ZNF891: variants seen among roughly 807,000 people sequenced by gnomAD.
ZNF891 encodes the protein hCG1646157.
For synonymous variants in ZNF891, 199 were observed against 209.0 expected, an observed-to-expected ratio of 0.95 and a Z score of 0.41; for missense variants, 589 against 632.7, an observed-to-expected ratio of 0.93 and a Z score of 0.74.
At chr12:133,127,254 G>C (rs1305140984) in intron 1 of ZNF891, among the ~76,000 whole-genome samples, 3 of 151,958 alleles carry the variant, frequency 2.0e-5, no homozygotes, top group Admixed American at 2.0e-4. Flanking sequence ...CGTGAGCCAC[G>C]GTGCCCGGCC....
chr12:133,128,669 G>T (rs1343345838), intron 1 of ZNF891, among the ~76,000 whole-genome samples: 1 of 151,712 alleles, frequency 6.6e-6, no homozygotes, highest in Non-Finnish European at 1.5e-5. Context: ...AAAATTAGCT[G>T]GATTAGCCGG....
rs1297482469 is a variant in ZNF891, at chr12:133,110,276, A to T, written c.*10008T>A. The T allele has an allele frequency of 6.6e-6, 1 of 152,220 alleles. No individual in the cohort carries two copies. 9.4% of individuals were successfully genotyped at this position (152,220 alleles called of 1,614,324 possible). Reference sequence around the variant, plus strand: ...GTCTAGGAATATTGCAAAAGTAGTAAAAGTATTAATTTGGCTCTCATGATC... The same window carrying T: ...GTCTAGGAATATTGCAAAAGTAGTATAAGTATTAATTTGGCTCTCATGATC... On this transcript the variant is annotated 3_prime_UTR_variant, in exon 2 of 2. Coordinates refer to ENST00000537226, the MANE Select transcript of ZNF891 (RefSeq NM_001277291.2).
At position 133,111,300 on chromosome 12, in the gene ZNF891, C is replaced by A. The variant is rs61951773; in HGVS notation, c.*8984G>T. 28,775 of 152,112 alleles carry A rather than the reference C, an allele frequency of 0.19. 3,484 individuals are homozygous for A. Among genetic ancestry groups the A allele is most frequent in the Non-Finnish European group, 0.26 (17,971 of 67,976 alleles). 9.4% of individuals were successfully genotyped at this position (152,112 alleles called of 1,614,324 possible). A position where few individuals can be genotyped will look rare whatever the true frequency, so the allele number is the denominator to read the frequency against. On this transcript the variant is annotated 3_prime_UTR_variant, in exon 2 of 2. Coordinates refer to ENST00000537226, the MANE Select transcript of ZNF891 (RefSeq NM_001277291.2). The stretch of plus-strand genomic sequence containing the variant: ...CTTGAGCCCAGGAGTTTGATACCAG[C>A]CTGGGCAATGCAGTGAGACCCCATT...
intron 1 of ZNF891, chr12:133,125,583 C>CAA (rs980812374): frequency 2.3e-5 from 5 of 216,788 alleles, no homozygotes; most frequent in African/African-American, 4.7e-5. Flanking sequence ...TTCACAGCAA[C>CAA]AAAAAAAAAG....
chr12:133,105,797 T>C lies in ZNF891; in HGVS notation c.*14487A>G. The C allele has an allele frequency of 6.2e-7, 1 of 1,614,140 alleles. No homozygotes were observed. Among genetic ancestry groups the C allele is most frequent in the Non-Finnish European group, 8.5e-7 (1 of 1,180,044 alleles). On this transcript the variant is annotated 3_prime_UTR_variant, in exon 2 of 2. Coordinates refer to ENST00000537226, the MANE Select transcript of ZNF891 (RefSeq NM_001277291.2). ...ATGTGGAAAAACTTTTGGTCGACGCTTTTCCCTGGTGTTACACCAGAGGAC... is the reference window on the plus strand; with the variant it reads ...ATGTGGAAAAACTTTTGGTCGACGCCTTTCCCTGGTGTTACACCAGAGGAC...
Position 133,125,583 on chromosome 12 carries a change from C to CA in ZNF891, c.-106-3560dup, listed in dbSNP as rs980812374. 4.1e-3 allele frequency: 894 copies of CA among 215,894 alleles called. 1 individual carries two copies. The highest frequency in any genetic ancestry group is 9.2e-3 in the African/African-American group (392 of 42,672). 13.4% of individuals were successfully genotyped at this position (215,894 alleles called of 1,614,324 possible). A position where few individuals can be genotyped will look rare whatever the true frequency, so the allele number is the denominator to read the frequency against. ...CAGTGGTGAAAGGTATTCACAGCAA[C>CA]AAAAAAAAAGAAGATCCGCATGTCA... On this transcript the variant is annotated intron_variant, in intron 1 of 1. Transcript: ENST00000537226.
chr12:133,122,740 A>C (rs2137621267), intron 1 of ZNF891, among the ~76,000 whole-genome samples: 1 of 152,350 alleles, frequency 6.6e-6, no homozygotes, highest in South Asian at 2.1e-4. Context: ...AGAATAAAGA[A>C]ACAGATGTTC....
At position 133,121,283 on chromosome 12, in the gene ZNF891, G is replaced by A. The variant is rs1291536079; in HGVS notation, c.636C>T (p.Thr212=). The part of the protein sequence containing the change: ...SKLIFSQSIF[T]SKHCQKCYSE... The stretch of plus-strand genomic sequence containing the variant: ...AGTAACATTTTTGGCAATGTTTACT[G>A]GTGAAAATGCTCTGTGAAAAAATAA... Residue 212 remains threonine, a synonymous_variant, in exon 2 of 2, where the codon ACC becomes ACT. Transcript: ENST00000537226. 1.3e-6 allele frequency: 2 copies of A among 1,535,608 alleles called. No homozygotes were observed. The highest frequency in any genetic ancestry group is 1.4e-5 in the African/African-American group (1 of 73,106).
Position 133,120,545 on chromosome 12 carries a change from A to G in ZNF891, c.1374T>C (p.Asn458=), listed in dbSNP as rs11608611. ...TCCCACAGTCACTGCATTCATAAAC[A>G]TTCTCTCCGGTATGAATTTTCTTAT... ...KVHKKIHTGE[N]VYECSDCGKV... is the part of the protein sequence containing the mutation. The change falls in exon 2 of 2, where the codon AAT becomes AAC. Residue 458 remains asparagine, a synonymous_variant. Coordinates refer to ENST00000537226, the MANE Select transcript of ZNF891 (RefSeq NM_001277291.2). 0.25 allele frequency: 384,075 copies of G among 1,564,262 alleles called. 48,919 individuals carry two copies. The highest frequency in any genetic ancestry group is 0.26 in the Middle Eastern group (1,588 of 6,006).
In ZNF891 at chr12:133,118,870, C is replaced by T. The variant is rs932333914; in HGVS notation, c.*1414G>A. On this transcript the variant is annotated 3_prime_UTR_variant, in exon 2 of 2. Coordinates refer to ENST00000537226, the MANE Select transcript of ZNF891 (RefSeq NM_001277291.2). Reference sequence around the variant, plus strand: ...ATAAAACATTTAACTGTATATACTTCTGTTTTTCTACAATATGGTGACTGC... The same window carrying T: ...ATAAAACATTTAACTGTATATACTTTTGTTTTTCTACAATATGGTGACTGC... The T allele has an allele frequency of 2.6e-5, 4 of 152,096 alleles. No homozygotes were observed. Among genetic ancestry groups the T allele is most frequent in the Non-Finnish European group, 5.9e-5 (4 of 68,024 alleles). 9.4% of individuals were successfully genotyped at this position (152,096 alleles called of 1,614,324 possible). A position where few individuals can be genotyped will look rare whatever the true frequency, so the allele number is the denominator to read the frequency against.
Position 133,119,698 on chromosome 12 carries a change from A to G in ZNF891, c.*586T>C, listed in dbSNP as rs975135119. The G allele has an allele frequency of 1.3e-5, 2 of 152,472 alleles. No individual in the cohort carries two copies. Among genetic ancestry groups the G allele is most frequent in the African/African-American group, 4.8e-5 (2 of 41,460 alleles). 9.4% of individuals were successfully genotyped at this position (152,472 alleles called of 1,614,324 possible). A position where few individuals can be genotyped will look rare whatever the true frequency, so the allele number is the denominator to read the frequency against. On this transcript the variant is annotated 3_prime_UTR_variant, in exon 2 of 2. Coordinates refer to ENST00000537226, the MANE Select transcript of ZNF891 (RefSeq NM_001277291.2). Reference sequence around the variant, plus strand: ...CTACAGCTGTCATTTTCATGATCACAAGATAGCTCTTTCAGCAGCTTCAGG... The same window carrying G: ...CTACAGCTGTCATTTTCATGATCACGAGATAGCTCTTTCAGCAGCTTCAGG...
Position 133,126,516 on chromosome 12 carries a change from T to C in ZNF891, c.-107+3711A>G, listed in dbSNP as rs1164589637. Among the ~76,000 whole-genome samples, 13 of 146,894 alleles carry C rather than the reference T, an allele frequency of 8.8e-5. No individual in the cohort carries two copies. In the Admixed American group the frequency reaches 8.9e-4, roughly 10 times the overall value. ...AAAAGATAAACTTAAGGAACTTTTC[T>C]AGAAAGCTGATCTTGGCTGAACACA... is the stretch of plus-strand genomic sequence containing the variant. On this transcript the variant is annotated intron_variant, in intron 1 of 1. Coordinates refer to ENST00000537226, the MANE Select transcript of ZNF891 (RefSeq NM_001277291.2).
chr12:133,125,005 C>T (rs571691380), intron 1 of ZNF891, among the ~76,000 whole-genome samples: 5 of 151,992 alleles, frequency 3.3e-5, no homozygotes, highest in African/African-American at 9.6e-5. Flanking sequence ...CAAAAGAGCA[C>T]ACAGCAAGGG....
rs1955714542 is a variant in ZNF891, at chr12:133,116,264, TTGGCTAA to T, written c.*4013_*4019del. ...GTACTACAGGCGCCCACCACCACACTTGGCTAATTTTTTGTATTTTTAGTAGAGACGA... is the reference window on the plus strand; with the variant it reads ...GTACTACAGGCGCCCACCACCACACTTTTTTTGTATTTTTAGTAGAGACGA... On this transcript the variant is annotated 3_prime_UTR_variant, in exon 2 of 2. Coordinates refer to ENST00000537226, the MANE Select transcript of ZNF891 (RefSeq NM_001277291.2). 1 of 152,018 alleles carries T rather than the reference TTGGCTAA, an allele frequency of 6.6e-6. No homozygotes were observed. Among genetic ancestry groups the T allele is most frequent in the East Asian group, 1.9e-4 (1 of 5,180 alleles). The allele number at this position is 152,018 out of a possible 1,614,324, so 9.4% of individuals were successfully genotyped here. A position where few individuals can be genotyped will look rare whatever the true frequency, so the allele number is the denominator to read the frequency against.
Position 133,106,351 on chromosome 12 carries a change from A to G in ZNF891, c.*13933T>C. The G allele has an allele frequency of 6.2e-7, 1 of 1,614,148 alleles. No homozygotes were observed. The stretch of plus-strand genomic sequence containing the variant: ...TTCATGCTGGAGAAAAGCTCTATGA[A>G]TGTGATGAATGTGGTAAAGTTTTCA... On this transcript the variant is annotated 3_prime_UTR_variant, in exon 2 of 2. Coordinates refer to ENST00000537226, the MANE Select transcript of ZNF891 (RefSeq NM_001277291.2).
At position 133,121,766 on chromosome 12, in the gene ZNF891, C is replaced by A. The variant is rs1955763433; in HGVS notation, c.153G>T (p.Glu51Asp). 2 of 1,536,976 alleles carry A rather than the reference C, an allele frequency of 1.3e-6. No individual in the cohort carries two copies. Among genetic ancestry groups the A allele is most frequent in the South Asian group, 2.4e-5 (2 of 84,060 alleles). Reference protein sequence around the residue: ...EPMTFKDVAVEFTQEEWMMLD... With the variant: ...EPMTFKDVAVDFTQEEWMMLD... ...GCATCATCCACTCCTCCTGAGTGAA[C>A]TCCACAGCTACATCTTTGAAAGTCA... Residue 51 changes from glutamate (E) to aspartate (D), a missense_variant, in exon 2 of 2, where the codon GAG becomes GAT. Physicochemically the swap from Glu to Asp is conservative, Grantham distance 45. Coordinates refer to ENST00000537226, the MANE Select transcript of ZNF891 (RefSeq NM_001277291.2).
In ZNF891 at chr12:133,120,157, G is replaced by GAC; in HGVS notation, c.*126_*127insGT. On this transcript the variant is annotated 3_prime_UTR_variant, in exon 2 of 2. Coordinates refer to ENST00000537226, the MANE Select transcript of ZNF891 (RefSeq NM_001277291.2). ...AAAAAAGTCATAATTAGTATTTACA[G>GAC]AAAATGTTATATTAAAAAAAGAGCC... 1.4e-6 allele frequency: 1 copy of GAC among 708,948 alleles called. No individual in the cohort carries two copies. Among genetic ancestry groups the GAC allele is most frequent in the Non-Finnish European group, 2.2e-6 (1 of 458,538 alleles). 43.9% of individuals were successfully genotyped at this position (708,948 alleles called of 1,614,324 possible). A position where few individuals can be genotyped will look rare whatever the true frequency, so the allele number is the denominator to read the frequency against.
At chr12:133,127,480 C>T (rs1230176078) in intron 1 of ZNF891, among the ~76,000 whole-genome samples, 1 of 152,242 alleles carries the variant, frequency 6.6e-6, no homozygotes, top group African/African-American at 2.4e-5. Context: ...TCTAGCTTCA[C>T]TGGCTTTCAA....
In ZNF891 at chr12:133,106,120, AT is replaced by A. The variant is rs1419994878; in HGVS notation, c.*14163del. On this transcript the variant is annotated 3_prime_UTR_variant, in exon 2 of 2. Transcript: ENST00000537226. ...ATATATGTAGGAAATGTGGTAAAGCATTTAGCAGTGGCTCAGAACTCATTCG... is the reference window on the plus strand; with the variant it reads ...ATATATGTAGGAAATGTGGTAAAGCATTAGCAGTGGCTCAGAACTCATTCG... 1 of 1,614,174 alleles carries A rather than the reference AT, an allele frequency of 6.2e-7. No individual in the cohort carries two copies. The highest frequency in any genetic ancestry group is 1.1e-5 in the South Asian group (1 of 91,088).
Sources: allele counts gnomAD v4.1 joint callset (sites outside exome capture counted in the v4.1 genomes callset), GRCh38; gene constraint gnomAD v4.1.1; transcripts MANE v1.5; gene names NCBI Gene and HGNC (gene_info 2026-07-23, HGNC 2026-07-21).